GMEB1: variants seen among roughly 807,000 people sequenced by gnomAD.
GMEB1 encodes glucocorticoid modulatory element-binding protein 1.
GMEB1 carries 6 observed loss-of-function variants against 52.4 expected under a neutral mutation model. That is an observed-to-expected ratio of 0.11 (90% CI 0.06 to 0.23). GMEB1 has a LOEUF of 0.23. Ranked by LOEUF, GMEB1 falls within the 10% of genes least tolerant of loss-of-function variation. The pLI is 1.00. For synonymous variants in GMEB1, 255 were observed against 244.9 expected, an observed-to-expected ratio of 1.04 and a Z score of -0.38; for missense variants, 486 against 685.6, an observed-to-expected ratio of 0.71 and a Z score of 3.25.
Position 28,714,131 on chromosome 1 carries a change from T to C in GMEB1, c.1050T>C (p.Ser350=), listed in dbSNP as rs779648921. 3 of 1,614,154 alleles carry C rather than the reference T, an allele frequency of 1.9e-6. No individual in the cohort carries two copies. The highest frequency in any genetic ancestry group is 1.7e-6 in the Non-Finnish European group (2 of 1,180,004). The change falls in exon 10 of 10, where the codon TCT becomes TCC. Residue 350 remains serine (S), a synonymous_variant. Coordinates refer to ENST00000373816, the MANE Select transcript of GMEB1 (RefSeq NM_001319674.2). ...AAGGCCAGGATCACAGGCTGAAATC[T>C]CAGACAGTTCAAAATGTGGTACTGA... The part of the protein sequence containing the change: ...KKQGQDHRLK[S]QTVQNVVLMP...
At chr1:28,677,658 C>T (rs533542213) in intron 1 of GMEB1, among the ~76,000 whole-genome samples, 23 of 152,108 alleles carry the variant, frequency 1.5e-4, no homozygotes, top group African/African-American at 4.8e-4. Flanking sequence ...CTTTTAATTC[C>T]GCCTACATTT....
At chr1:28,687,695 A>C (rs1007994259) in intron 2 of GMEB1, among the ~76,000 whole-genome samples, 1 of 152,142 alleles carries the variant, frequency 6.6e-6, no homozygotes, top group Non-Finnish European at 1.5e-5. Context: ...ACTAGTCTAG[A>C]GATGATGAGG....
At chr1:28,669,059 T>G (rs976939220) in intron 1 of GMEB1, among the ~76,000 whole-genome samples, 2 of 138,752 alleles carry the variant, frequency 1.4e-5, no homozygotes, top group South Asian at 4.8e-4. Flanking sequence ...ACGCTGCCGC[T>G]GGGTCCGCCC....
At position 28,714,439 on chromosome 1, in the gene GMEB1, T is replaced by A; in HGVS notation, c.1358T>A (p.Val453Glu). The change falls in exon 10 of 10, where the codon GTG becomes GAG. Residue 453 changes from valine (V) to glutamate (E), a missense_variant. Val to Glu is a moderately radical substitution (Grantham distance 121). Coordinates refer to ENST00000373816, the MANE Select transcript of GMEB1 (RefSeq NM_001319674.2). The stretch of plus-strand genomic sequence containing the variant: ...GCCAAGAGCAGCTCACCAGACACAG[T>A]GACCATCCACCCTTCATCTAGCTTG... Reference protein sequence around the residue: ...SSAKSSSPDTVTIHPSSSLAL... With the variant: ...SSAKSSSPDTETIHPSSSLAL... 1 of 1,614,208 alleles carries A rather than the reference T, an allele frequency of 6.2e-7. No homozygotes were observed. The highest frequency in any genetic ancestry group is 2.2e-5 in the East Asian group (1 of 44,888).
Position 28,683,694 on chromosome 1 carries a change from G to A in GMEB1, c.82G>A (p.Asp28Asn), listed in dbSNP as rs781425414. The A allele has an allele frequency of 6.2e-7, 1 of 1,612,222 alleles. No homozygotes were observed. The highest frequency in any genetic ancestry group is 1.1e-5 in the South Asian group (1 of 90,612). Residue 28 changes from aspartate to asparagine, a missense_variant, in exon 2 of 10, where the codon GAC becomes AAC. Physicochemically the swap from Asp to Asn is conservative, Grantham distance 23 (BLOSUM62 1). Around this residue, in one of 5 missense-constraint regions of GMEB1, gnomAD observed 88 missense variants for 96.5 expected, o/e 0.91. Coordinates refer to ENST00000373816, the MANE Select transcript of GMEB1 (RefSeq NM_001319674.2). ...TEGNEGENPE[D>N]TKTQVILQLQ... is the part of the protein sequence containing the mutation. ...AGGAAATGAAGGGGAGAATCCTGAA[G>A]ACACTAAAACCCAAGTGATTTTGCA...
intron 8 of GMEB1, among the ~76,000 whole-genome samples, chr1:28,707,964 T>C (rs1237179132): frequency 1.3e-5 from 2 of 151,930 alleles, no homozygotes; most frequent in Non-Finnish European, 2.9e-5. Context: ...AGTGATGCAG[T>C]CACAGCTCAC....
intron 8 of GMEB1, among the ~76,000 whole-genome samples, chr1:28,708,853 C>T (rs933854237): frequency 8.0e-5 from 12 of 149,512 alleles, no homozygotes; most frequent in African/African-American, 1.5e-4. Context: ...AAAATTAGGC[C>T]GGTCGAGGTG....
chr1:28,707,421 C>G (rs943387927), intron 8 of GMEB1, among the ~76,000 whole-genome samples: 5 of 151,858 alleles, frequency 3.3e-5, no homozygotes, highest in African/African-American at 4.8e-5. Flanking sequence ...AGGAATTAGT[C>G]CAAGCAAGAG....
intron 5 of GMEB1, 85 bp from the exon 6 acceptor site, chr1:28,696,841 AG>A (rs1670231055): frequency 4.0e-6 from 4 of 998,430 alleles, no homozygotes; most frequent in Non-Finnish European, 6.0e-6. Flanking sequence ...TAGGCTCAGC[AG>A]TGTTGTCCCT....
At chr1:28,670,304 C>T (rs1412703978) in intron 1 of GMEB1, among the ~76,000 whole-genome samples, 1 of 152,044 alleles carries the variant, frequency 6.6e-6, no homozygotes, top group Non-Finnish European at 1.5e-5. Context: ...AGGCGCGTGC[C>T]ACCACACCAG....
chr1:28,676,958 G>A (rs1669178805), intron 1 of GMEB1, among the ~76,000 whole-genome samples: 1 of 152,092 alleles, frequency 6.6e-6, no homozygotes. Flanking sequence ...GGAGGCTGAG[G>A]CAGGAGAATC....
intron 1 of GMEB1, among the ~76,000 whole-genome samples, chr1:28,672,820 A>G (rs1570373760): frequency 6.8e-6 from 1 of 146,470 alleles, no homozygotes; most frequent in South Asian, 2.2e-4. Flanking sequence ...GCTCACTGCA[A>G]CCTCCTCCTC....
intron 5 of GMEB1, among the ~76,000 whole-genome samples, chr1:28,695,974 A>AAAT (rs1557511786): frequency 1.7e-5 from 2 of 117,794 alleles, no homozygotes; most frequent in African/African-American, 3.2e-5. Context: ...AAAAAAAAAA[A>AAAT]TTTTCAGATG....
chr1:28,706,616 A>AT (rs1199117578), intron 8 of GMEB1, among the ~76,000 whole-genome samples: 3 of 134,904 alleles, frequency 2.2e-5, no homozygotes, highest in Non-Finnish European at 3.5e-5. Flanking sequence ...AAAAAAAAAA[A>AT]ATGGGATTAT....
intron 2 of GMEB1, among the ~76,000 whole-genome samples, chr1:28,684,128 T>C (rs1182889214): frequency 6.6e-6 from 1 of 152,192 alleles, no homozygotes; most frequent in African/African-American, 2.4e-5. Flanking sequence ...TTTAGCCTCC[T>C]GAATAGCTGG....
intron 1 of GMEB1, among the ~76,000 whole-genome samples, chr1:28,674,492 T>C (rs565515208): frequency 1.3e-5 from 2 of 152,084 alleles, no homozygotes; most frequent in South Asian, 4.1e-4. Context: ...CCTCCTGGGC[T>C]CAAGTGATTC....
At chr1:28,695,933 C>T (rs1335834005) in intron 5 of GMEB1, among the ~76,000 whole-genome samples, 6 of 63,576 alleles carry the variant, frequency 9.4e-5, no homozygotes, top group African/African-American at 2.2e-4. Context: ...AGCGAGACTC[C>T]GTCTCAAAAA....
In GMEB1 at chr1:28,690,203, G is replaced by GTTT. The variant is rs878890649; in HGVS notation, c.211+36_211+38dup. 8,988 of 507,122 alleles carry GTTT rather than the reference G, an allele frequency of 0.018. 6 individuals are homozygous for GTTT. Among genetic ancestry groups the GTTT allele is most frequent in the South Asian group, 0.021 (870 of 41,812 alleles). The allele number at this position is 507,122 out of a possible 1,614,324, so 31.4% of individuals were successfully genotyped here. On this transcript the variant is annotated intron_variant, in intron 3 of 9. Transcript: ENST00000373816. ...AAGGGATTGGTAAGGGTTTTTTTGT[G>GTTT]TTTTTTTTTTTTTTTTTTTTTGTCA...
intron 9 of GMEB1, among the ~76,000 whole-genome samples, chr1:28,713,698 A>C (rs1671163744): frequency 6.6e-6 from 1 of 152,194 alleles, no homozygotes; most frequent in Non-Finnish European, 1.5e-5. Flanking sequence ...TTTGAAAATC[A>C]CTGTTTTTTG....
Sources: allele counts gnomAD v4.1 joint callset (sites outside exome capture counted in the v4.1 genomes callset), GRCh38; gene constraint gnomAD v4.1.1; regional missense constraint gnomAD v4.1.1; transcripts MANE v1.5; gene names NCBI Gene and HGNC (gene_info 2026-07-23, HGNC 2026-07-21).